The following COG5 variants were observed in gnomAD, a reference collection of about 807,000 sequenced individuals.
The protein encoded by COG5 is conserved oligomeric Golgi complex subunit 5.
In COG5, 86 loss-of-function variants were observed where a neutral mutation model predicts 110.4. The observed-to-expected ratio is 0.78, with a 90% confidence interval of 0.65 to 0.93. The LOEUF is 0.93. Ranked by LOEUF, COG5 falls within the 40% of genes least tolerant of loss-of-function variation. COG5 has a pLI of 0.00. For synonymous variants in COG5, 360 were observed against 334.6 expected (o/e 1.08, Z -0.83); for missense variants, 1,077 against 987.0 (o/e 1.09, Z -1.22).
intron 19 of COG5, among the ~76,000 whole-genome samples, chr7:107,212,823 G>A (rs1799273631): frequency 6.6e-6 from 1 of 152,156 alleles, no homozygotes; most frequent in South Asian, 2.1e-4. Flanking sequence ...AGAGTAAGAG[G>A]CATGGTTTCA....
intron 12 of COG5, among the ~76,000 whole-genome samples, chr7:107,294,090 A>G (rs1040186428): frequency 2.6e-5 from 4 of 152,126 alleles, no homozygotes; most frequent in Non-Finnish European, 5.9e-5. Flanking sequence ...AAAAATAAAA[A>G]TAAGTGCATG....
intron 21 of COG5, among the ~76,000 whole-genome samples, chr7:107,207,259 T>C (rs1184997012): frequency 6.6e-6 from 1 of 152,126 alleles, no homozygotes; most frequent in African/African-American, 2.4e-5. Context: ...AACTGATAGG[T>C]AGCTAGTGAC....
At chr7:107,345,788 T>G (rs1289309997) in intron 10 of COG5, among the ~76,000 whole-genome samples, 1 of 152,224 alleles carries the variant, frequency 6.6e-6, no homozygotes, top group Non-Finnish European at 1.5e-5. Context: ...ATGAATTAGG[T>G]TGGAGTGAAA....
intron 6 of COG5, among the ~76,000 whole-genome samples, chr7:107,476,987 T>C (rs1306157222): frequency 6.6e-6 from 1 of 151,690 alleles, no homozygotes; most frequent in African/African-American, 2.4e-5. Context: ...TAATGTCAAA[T>C]CTTGGCAAAA....
rs192781246 is a variant in COG5 at position 107,508,595 on chromosome 7, G to A, written c.538+18642C>T. Among the ~76,000 whole-genome samples, 11 of 152,266 alleles carry A rather than the reference G, an allele frequency of 7.2e-5. No individual in the cohort carries two copies. In the East Asian group the frequency reaches 1.4e-3, roughly 19 times the overall value. On this transcript the variant is annotated intron_variant, in intron 6 of 21. Coordinates refer to ENST00000297135, the MANE Select transcript of COG5 (RefSeq NM_006348.5). ...GCAGACTGCCTCCTCAAGTGGGTCCGTGACCCCCGAGCAGCCTAACTGGGA... is the reference window on the plus strand; with the variant it reads ...GCAGACTGCCTCCTCAAGTGGGTCCATGACCCCCGAGCAGCCTAACTGGGA...
At position 107,216,816 on chromosome 7, in the gene COG5, C is replaced by T. The variant is rs146399024; in HGVS notation, c.2169-5591G>A. ...AAAATAAACATCTCAAATAAAGAAC[C>T]TACTCAAGAAACTACAAGAGAAGAA... On this transcript the variant is annotated intron_variant, in intron 19 of 21. Coordinates refer to ENST00000297135, the MANE Select transcript of COG5 (RefSeq NM_006348.5). Among the ~76,000 whole-genome samples, 8 of 152,058 alleles carry T rather than the reference C, an allele frequency of 5.3e-5. No homozygotes were observed. The East Asian group carries it at 1.5e-3, about 29-fold the overall frequency.
chr7:107,513,150 T>C (rs1799657801), intron 6 of COG5, among the ~76,000 whole-genome samples: 1 of 152,226 alleles, frequency 6.6e-6, no homozygotes, highest in South Asian at 2.1e-4. Context: ...CCTACTCATC[T>C]GACAAAGGGC....
chr7:107,359,747 G>C (rs929935966), intron 10 of COG5, among the ~76,000 whole-genome samples: 2 of 152,182 alleles, frequency 1.3e-5, no homozygotes, highest in Non-Finnish European at 2.9e-5. Context: ...CCTCTGTACT[G>C]AGGGCTGCAC....
At chr7:107,423,351 G>C (rs1351225544) in intron 6 of COG5, among the ~76,000 whole-genome samples, 4 of 152,076 alleles carry the variant, frequency 2.6e-5, no homozygotes, top group African/African-American at 9.7e-5. Context: ...ACATATCATC[G>C]TGGAAAACTA....
chr7:107,272,737 G>A (rs1411710408), intron 14 of COG5, among the ~76,000 whole-genome samples: 4 of 152,100 alleles, frequency 2.6e-5, no homozygotes, highest in Admixed American at 2.0e-4. Flanking sequence ...AAGAGATAGA[G>A]AAAGAGAAAG....
chr7:107,371,063 A>T (rs76025010), intron 8 of COG5, among the ~76,000 whole-genome samples: 2,207 of 152,238 alleles, frequency 0.014, 23 homozygotes, highest in Non-Finnish European at 0.023. Context: ...TTTAAACATT[A>T]TATCAAACTT....
Position 107,474,738 on chromosome 7 carries a change from A to G in COG5, c.538+52499T>C, listed in dbSNP as rs1309400541. On this transcript the variant is annotated intron_variant, in intron 6 of 21. Transcript: ENST00000297135. The surrounding 1 kb of genome is among the most constrained non-coding windows in gnomAD (Gnocchi z 5.7). Reference sequence around the variant, plus strand: ...CAATATTCTTTTTCACTGTTGTAGTAATGTTAATCACATACACCAAAATAC... The same window carrying G: ...CAATATTCTTTTTCACTGTTGTAGTGATGTTAATCACATACACCAAAATAC... 3 of 1,610,472 alleles carry G rather than the reference A, an allele frequency of 1.9e-6. No individual in the cohort carries two copies. Among genetic ancestry groups the G allele is most frequent in the African/African-American group, 2.7e-5 (2 of 74,768 alleles).
chr7:107,518,086 T>A (rs1198863195), intron 6 of COG5, among the ~76,000 whole-genome samples: 2 of 151,974 alleles, frequency 1.3e-5, no homozygotes, highest in African/African-American at 2.4e-5. Flanking sequence ...AGAAAGGAAA[T>A]CCTTTCTAGA....
At chr7:107,505,345 G>C (rs1798916495) in intron 6 of COG5, among the ~76,000 whole-genome samples, 1 of 152,160 alleles carries the variant, frequency 6.6e-6, no homozygotes. Flanking sequence ...ACCAGAGGGA[G>C]GGACTGGAGC....
In COG5 at chr7:107,474,702, A is replaced by G. The variant is rs375156098; in HGVS notation, c.538+52535T>C. The G allele has an allele frequency of 8.2e-5, 132 of 1,610,850 alleles. No homozygotes were observed. The highest frequency in any genetic ancestry group is 1.6e-4 in the Middle Eastern group (1 of 6,070). On this transcript the variant is annotated intron_variant, in intron 6 of 21. Coordinates refer to ENST00000297135, the MANE Select transcript of COG5 (RefSeq NM_006348.5). The surrounding 1 kb of genome is among the most constrained non-coding windows in gnomAD (Gnocchi z 5.7). ...AACTGGGAATGTATTATCACCTGTT[A>G]GTACAGATCCCAATATTCTTTTTCA...
chr7:107,452,375 C>T lies in COG5; in HGVS notation c.539-39743G>A, dbSNP rs12667958. ...TTTGGCCCTATCTCTCAACGCTTCC[C>T]TGTCTGATATGGTTTGGCTGCATCC... On this transcript the variant is annotated intron_variant, in intron 6 of 21. Transcript: ENST00000297135. Among the ~76,000 whole-genome samples the T allele has an allele frequency of 2.7e-3, 415 of 152,246 alleles. 3 individuals carry two copies. Among genetic ancestry groups the T allele is most frequent in the Admixed American group, 5.2e-3 (79 of 15,288 alleles).
At position 107,365,017 on chromosome 7, in the gene COG5, T is replaced by C. The variant is rs187269359; in HGVS notation, c.836-2597A>G. On this transcript the variant is annotated intron_variant, in intron 8 of 21. Transcript: ENST00000297135. The stretch of plus-strand genomic sequence containing the variant: ...TGAACTCATAACAGTGAGAAAAGGG[T>C]ATGTAGTGCCTTTATGAATACTAAA... Among the ~76,000 whole-genome samples, 1,221 of 152,148 alleles carry C rather than the reference T, an allele frequency of 8.0e-3. 24 individuals carry two copies. The highest frequency in any genetic ancestry group is 0.073 in the East Asian group (376 of 5,166).
intron 6 of COG5, among the ~76,000 whole-genome samples, chr7:107,444,300 A>G (rs1794884445): frequency 6.6e-6 from 1 of 152,206 alleles, no homozygotes. Context: ...ATTTATTTTT[A>G]CAATAGAGTC....
At chr7:107,345,555 G>A (rs77881453) in intron 10 of COG5, among the ~76,000 whole-genome samples, 1 of 152,144 alleles carries the variant, frequency 6.6e-6, no homozygotes, top group Non-Finnish European at 1.5e-5. Context: ...CCAGGGGAAA[G>A]TAAGGGGTAG....
Sources: gnomAD v4.1 joint callset for allele counts (sites outside exome capture counted in the v4.1 genomes callset) on GRCh38, gnomAD v4.1.1 for gene constraint, Gnocchi (gnomAD v3.1) non-coding constraint, MANE v1.5 for transcripts, NCBI Gene and HGNC (gene_info 2026-07-23, HGNC 2026-07-21) for gene names.